PPP3CA: variants seen among roughly 807,000 people sequenced by gnomAD.
PPP3CA encodes protein phosphatase 3 catalytic subunit alpha, also known as CAM-PRP catalytic subunit.
Under a neutral mutation model 66.5 loss-of-function variants are expected in PPP3CA, and 14 were observed. The observed-to-expected ratio is 0.21, with a 90% CI of 0.14 to 0.33. The LOEUF is 0.33. PPP3CA is among the 10% of genes least tolerant of loss of function. The pLI, the probability that PPP3CA is intolerant of heterozygous loss-of-function variation, is 1.00. For synonymous variants in PPP3CA, 232 were observed against 226.2 expected (o/e 1.03, Z -0.23); for missense variants, 317 against 639.5 (o/e 0.50, Z 5.44).
chr4:101,347,032 T>C lies in PPP3CA; in HGVS notation c.-236A>G, dbSNP rs1214370629. 1.7e-6 allele frequency: 1 copy of C among 592,214 alleles called. No homozygotes were observed. 36.7% of individuals were successfully genotyped at this position (592,214 alleles called of 1,614,324 possible). A position where few individuals can be genotyped will look rare whatever the true frequency, so the allele number is the denominator to read the frequency against. The stretch of plus-strand genomic sequence containing the variant: ...CGCCGCTGCCGCCAGCCCCGCCGAC[T>C]CGCTCCGGGCTGCGCGTGTGTGGTG... On this transcript the variant is annotated 5_prime_UTR_variant, in exon 1 of 14. Transcript: ENST00000394854.
At chr4:101,098,910 T>C (rs1168045979) in intron 4 of PPP3CA, among the ~76,000 whole-genome samples, 2 of 152,140 alleles carry the variant, frequency 1.3e-5, no homozygotes, top group African/African-American at 2.4e-5. Flanking sequence ...AGACATTTCC[T>C]AAAGCTGTTT....
intron 1 of PPP3CA, among the ~76,000 whole-genome samples, chr4:101,229,944 A>C (rs555535081): frequency 2.0e-5 from 3 of 151,640 alleles, no homozygotes; most frequent in Non-Finnish European, 4.4e-5. Context: ...AGAGAGAGAG[A>C]TATTAAAAAG....
At chr4:101,044,905 T>C (rs1271724762) in intron 10 of PPP3CA, among the ~76,000 whole-genome samples, 2 of 152,214 alleles carry the variant, frequency 1.3e-5, no homozygotes, top group Admixed American at 6.5e-5. Context: ...ACAGGGTAGA[T>C]TTCAGCCTTA....
intron 1 of PPP3CA, among the ~76,000 whole-genome samples, chr4:101,331,241 C>A (rs1654404064): frequency 6.6e-6 from 1 of 152,158 alleles, no homozygotes; most frequent in Non-Finnish European, 1.5e-5. Context: ...CTACCACTTA[C>A]TCACTAGGAA....
chr4:101,298,085 C>T (rs1728251043), intron 1 of PPP3CA, among the ~76,000 whole-genome samples: 1 of 151,990 alleles, frequency 6.6e-6, no homozygotes, highest in Non-Finnish European at 1.5e-5. Context: ...CCAGAGATTC[C>T]TCTCAGTTCC....
At chr4:101,052,834 A>G (rs1466422442) in intron 10 of PPP3CA, among the ~76,000 whole-genome samples, 3 of 152,042 alleles carry the variant, frequency 2.0e-5, no homozygotes, top group African/African-American at 7.2e-5. Context: ...AAAATTCATA[A>G]AAGTTTATTT....
chr4:101,109,722 A>C (rs2110264192), intron 2 of PPP3CA, among the ~76,000 whole-genome samples: 1 of 152,100 alleles, frequency 6.6e-6, no homozygotes, highest in East Asian at 1.9e-4. Flanking sequence ...AAAATGTTAA[A>C]GTGAAAAAAA....
At chr4:101,337,608 C>T (rs1729670904) in intron 1 of PPP3CA, among the ~76,000 whole-genome samples, 4 of 152,194 alleles carry the variant, frequency 2.6e-5, no homozygotes, top group Non-Finnish European at 5.9e-5. Context: ...TAGTCTTCAA[C>T]TCTTTGAAAT....
intron 2 of PPP3CA, among the ~76,000 whole-genome samples, chr4:101,121,299 T>TA (rs1344410477): frequency 2.0e-5 from 3 of 152,126 alleles, no homozygotes; most frequent in Non-Finnish European, 4.4e-5. Context: ...GTTTGCCTTA[T>TA]AAAACCACAC....
chr4:101,087,216 T>C (rs189342649), intron 6 of PPP3CA, among the ~76,000 whole-genome samples: 1 of 152,304 alleles, frequency 6.6e-6, no homozygotes, highest in East Asian at 1.9e-4. Context: ...GGGTTCTTGA[T>C]CTAATTTCAT....
chr4:101,208,728 A>G (rs1265513284), intron 1 of PPP3CA, among the ~76,000 whole-genome samples: 2 of 152,224 alleles, frequency 1.3e-5, no homozygotes. Context: ...TCAGTGAAAT[A>G]TATCATTTCT....
chr4:101,040,469 C>T lies in PPP3CA; in HGVS notation c.1241+13G>A, dbSNP rs779426582. 33 of 1,576,814 alleles carry T rather than the reference C, an allele frequency of 2.1e-5. No homozygotes were observed. In the East Asian group the frequency reaches 3.6e-4, roughly 17 times the overall value. ...TACAATTTGAAACAAAAACAGAGTA[C>T]GAATGCACCCACCTGAGCACTGAGA... On this transcript the variant is annotated intron_variant, in intron 11 of 13. Transcript: ENST00000394854.
At chr4:101,250,602 T>C (rs1353751244) in intron 1 of PPP3CA, among the ~76,000 whole-genome samples, 3 of 152,160 alleles carry the variant, frequency 2.0e-5, no homozygotes, top group South Asian at 2.1e-4. Flanking sequence ...TTTTCCCACA[T>C]ACTTTTGAAA....
chr4:101,273,421 G>C (rs1385904529), intron 1 of PPP3CA, among the ~76,000 whole-genome samples: 2 of 152,102 alleles, frequency 1.3e-5, no homozygotes, highest in African/African-American at 4.8e-5. Context: ...CTGCCTCCCG[G>C]GTTCAAGCTA....
chr4:101,239,765 G>A (rs1726241478), intron 1 of PPP3CA, among the ~76,000 whole-genome samples: 2 of 152,074 alleles, frequency 1.3e-5, no homozygotes, highest in African/African-American at 4.8e-5. Flanking sequence ...AATAAAAGTT[G>A]AGAGCTCAGC....
At position 101,122,223 on chromosome 4, in the gene PPP3CA, G is replaced by C. The variant is rs115999040; in HGVS notation, c.260-13145C>G. The stretch of plus-strand genomic sequence containing the variant: ...CTGACCACTTCTGACTTTTTCTTTG[G>C]AATAGTGAGAGGAACCAAAGACCAG... On this transcript the variant is annotated intron_variant, in intron 2 of 13. Coordinates refer to ENST00000394854, the MANE Select transcript of PPP3CA (RefSeq NM_000944.5). 7.1e-3 allele frequency among the ~76,000 whole-genome samples: 1,078 copies of C among 152,276 alleles called. 19 individuals carry two copies. The highest frequency in any genetic ancestry group is 0.025 in the African/African-American group (1,051 of 41,552).
intron 1 of PPP3CA, among the ~76,000 whole-genome samples, chr4:101,275,719 T>C (rs1265866526): frequency 2.6e-5 from 4 of 152,186 alleles, no homozygotes. Context: ...AAGCAAATGA[T>C]AGTCTACCTA....
chr4:101,200,143 A>T (rs1335256882), intron 1 of PPP3CA, among the ~76,000 whole-genome samples: 1 of 152,118 alleles, frequency 6.6e-6, no homozygotes, highest in African/African-American at 2.4e-5. Context: ...TGCTTCTCAA[A>T]TCTGAGTCAC....
chr4:101,031,530 T>C (rs977694428), intron 12 of PPP3CA, among the ~76,000 whole-genome samples: 18 of 152,172 alleles, frequency 1.2e-4, no homozygotes, highest in African/African-American at 1.7e-4. Context: ...TTAAATTTAA[T>C]ATAAATTAGA....
Sources: allele counts gnomAD v4.1 joint callset (sites outside exome capture counted in the v4.1 genomes callset), GRCh38; gene constraint gnomAD v4.1.1; transcripts MANE v1.5; gene names NCBI Gene and HGNC (gene_info 2026-07-23, HGNC 2026-07-21).